CSNK1G3: variants seen among roughly 807,000 people sequenced by gnomAD.
The protein encoded by CSNK1G3 is casein kinase 1 gamma 3.
A neutral mutation model predicts 64.3 loss-of-function variants in CSNK1G3; 23 were observed. That is an observed-to-expected ratio of 0.36 (90% CI 0.26 to 0.51). The LOEUF is 0.51. CSNK1G3 is among the 20% of genes least tolerant of loss of function. CSNK1G3 has a pLI of 0.96. For synonymous variants in CSNK1G3, 158 were observed against 162.2 expected, an observed-to-expected ratio of 0.97 and a Z score of 0.20; for missense variants, 357 against 510.5, an observed-to-expected ratio of 0.70 and a Z score of 2.90.
At chr5:123,596,621 C>G (rs1793489704) in intron 10 of CSNK1G3, among the ~76,000 whole-genome samples, 1 of 152,098 alleles carries the variant, frequency 6.6e-6, no homozygotes, top group South Asian at 2.1e-4. Context: ...CATTATTTCA[C>G]TACTTCACGT....
intron 4 of CSNK1G3, 102 bp from the exon 5 acceptor site, chr5:123,573,291 T>G (rs1213976165): frequency 8.0e-7 from 1 of 1,244,322 alleles, no homozygotes; most frequent in Non-Finnish European, 1.2e-6. Context: ...ATAGTACTGC[T>G]TTAGTTCTTG....
chr5:123,599,331 G>C (rs1794022303), intron 10 of CSNK1G3, among the ~76,000 whole-genome samples: 1 of 152,130 alleles, frequency 6.6e-6, no homozygotes, highest in African/African-American at 2.4e-5. Context: ...CTGAGCACTT[G>C]GGAGAAAAAG....
intron 6 of CSNK1G3, among the ~76,000 whole-genome samples, chr5:123,583,955 A>G (rs1790835110): frequency 6.6e-6 from 1 of 152,076 alleles, no homozygotes; most frequent in Non-Finnish European, 1.5e-5. Flanking sequence ...ACCTCCCAAA[A>G]GTGCTGAGAT....
chr5:123,578,741 A>C (rs1451133645), intron 6 of CSNK1G3, among the ~76,000 whole-genome samples: 3 of 151,872 alleles, frequency 2.0e-5, no homozygotes, highest in Non-Finnish European at 2.9e-5. Flanking sequence ...TAGAAGCTTT[A>C]TAGTTTTAGC....
intron 1 of CSNK1G3, among the ~76,000 whole-genome samples, chr5:123,528,005 G>A (rs1049939075): frequency 1.3e-5 from 2 of 152,036 alleles, no homozygotes; most frequent in Non-Finnish European, 2.9e-5. Flanking sequence ...AAAGTTGTTT[G>A]TCTTCCTTGT....
chr5:123,573,678 T>A (rs1788555382), intron 5 of CSNK1G3, 137 bp downstream of exon 5: 1 of 662,472 alleles, frequency 1.5e-6, no homozygotes, highest in East Asian at 3.1e-5. Flanking sequence ...ACTTTTCATG[T>A]TGTCTTTCTG....
intron 4 of CSNK1G3, among the ~76,000 whole-genome samples, chr5:123,570,119 T>C (rs1787783464): frequency 6.6e-6 from 1 of 152,198 alleles, no homozygotes; most frequent in Non-Finnish European, 1.5e-5. Flanking sequence ...CCCATAAAGA[T>C]ATAGTATATG....
chr5:123,604,881 A>G lies in CSNK1G3; in HGVS notation c.1193+51A>G, dbSNP rs769543420. 4.5e-6 allele frequency: 6 copies of G among 1,338,684 alleles called. No individual in the cohort carries two copies. The East Asian group carries it at 1.2e-4, about 28-fold the overall frequency. 82.9% of individuals were successfully genotyped at this position (1,338,684 alleles called of 1,614,324 possible). A position where few individuals can be genotyped will look rare whatever the true frequency, so the allele number is the denominator to read the frequency against. On this transcript the variant is annotated intron_variant, in intron 11 of 12. Transcript: ENST00000345990. The stretch of plus-strand genomic sequence containing the variant: ...GTAACTTTTTGTTCTTAAATTATGC[A>G]TGCTTGAGATTTATAGTTACATACA...
chr5:123,533,921 A>G (rs1780380266), intron 1 of CSNK1G3, among the ~76,000 whole-genome samples: 1 of 151,668 alleles, frequency 6.6e-6, no homozygotes, highest in African/African-American at 2.4e-5. Flanking sequence ...TTGAGGGACT[A>G]GGCTAATATT....
At chr5:123,531,232 T>C (rs1335176052) in intron 1 of CSNK1G3, among the ~76,000 whole-genome samples, 2 of 152,124 alleles carry the variant, frequency 1.3e-5, no homozygotes, top group Non-Finnish European at 2.9e-5. Context: ...AATAACATGC[T>C]AAATATGAAA....
intron 10 of CSNK1G3, among the ~76,000 whole-genome samples, chr5:123,600,866 C>T (rs1794375057): frequency 6.7e-6 from 1 of 150,286 alleles, no homozygotes; most frequent in African/African-American, 2.4e-5. Context: ...TCCAACATCC[C>T]TCTTAAATTC....
chr5:123,605,154 GAA>G (rs1198289801), intron 11 of CSNK1G3, among the ~76,000 whole-genome samples, 183 bp from the exon 13 acceptor site: 1 of 151,710 alleles, frequency 6.6e-6, no homozygotes, highest in East Asian at 1.9e-4. Flanking sequence ...GTAAGCATAA[GAA>G]ATTAATTTTA....
intron 4 of CSNK1G3, among the ~76,000 whole-genome samples, chr5:123,560,478 T>C (rs1305116854): frequency 1.3e-5 from 2 of 152,130 alleles, no homozygotes; most frequent in Admixed American, 1.3e-4. Context: ...CAAGTGTACA[T>C]TGACAGAAAA....
intron 1 of CSNK1G3, among the ~76,000 whole-genome samples, chr5:123,524,902 C>A (rs1269307887): frequency 6.6e-6 from 1 of 152,216 alleles, no homozygotes; most frequent in Middle Eastern, 3.4e-3. Context: ...GTGTTATATG[C>A]TTTTTAAGCT....
At chr5:123,597,851 G>A (rs1439985952) in intron 10 of CSNK1G3, among the ~76,000 whole-genome samples, 1 of 152,102 alleles carries the variant, frequency 6.6e-6, no homozygotes, top group Non-Finnish European at 1.5e-5. Context: ...GTTTTGTTAT[G>A]AAAATTTAAT....
chr5:123,533,862 G>C (rs1780371485), intron 1 of CSNK1G3, among the ~76,000 whole-genome samples: 1 of 150,958 alleles, frequency 6.6e-6, no homozygotes, highest in South Asian at 2.1e-4. Context: ...CATATTGTTA[G>C]CTTTCCTGAT....
In CSNK1G3 at chr5:123,614,331, C is replaced by G. The variant is rs372869872; in HGVS notation, c.1218-11C>G. On this transcript the variant is annotated splice_polypyrimidine_tract_variant and intron_variant, in intron 12 of 12. Transcript: ENST00000345990. The stretch of plus-strand genomic sequence containing the variant: ...CTTTTAAAATAAAAAGAGTGTTTCC[C>G]TCATCTGCAGGTGCTGCTGTTTTTT... The G allele has an allele frequency of 1.2e-6, 2 of 1,610,588 alleles. No homozygotes were observed. The highest frequency in any genetic ancestry group is 1.3e-5 in the African/African-American group (1 of 74,592).
chr5:123,609,632 G>A (rs898764219), intron 12 of CSNK1G3, among the ~76,000 whole-genome samples: 1 of 152,168 alleles, frequency 6.6e-6, no homozygotes, highest in African/African-American at 2.4e-5. Flanking sequence ...TTGGGAGAGA[G>A]CAAATGGATT....
At chr5:123,591,558 G>A (rs1287168395) in intron 10 of CSNK1G3, 144 bp downstream of exon 10, 3 of 534,480 alleles carry the variant, frequency 5.6e-6, no homozygotes, top group Non-Finnish European at 9.9e-6. Flanking sequence ...CTGTTTATTA[G>A]TTTAATAATA....
Sources: allele counts gnomAD v4.1 joint callset (sites outside exome capture counted in the v4.1 genomes callset), GRCh38; gene constraint gnomAD v4.1.1; transcripts MANE v1.5; gene names NCBI Gene and HGNC (gene_info 2026-07-23, HGNC 2026-07-21).